The following EDN1 variants were observed in gnomAD, a reference collection of about 807,000 sequenced individuals.
The protein encoded by EDN1 is endothelin-1.
Under a neutral mutation model 21.7 loss-of-function variants are expected in EDN1, and 11 were observed. The observed-to-expected ratio is 0.51, with a 90% CI of 0.32 to 0.84. The LOEUF is 0.84. Among genes scored for constraint, EDN1 ranks in the 40% least tolerant of loss-of-function variants. The probability of loss-of-function intolerance (pLI) is 0.03; values close to 1 mark genes in which losing one functional copy is unlikely to be tolerated. For missense variants in EDN1, 244 were observed against 262.3 expected, an observed-to-expected ratio of 0.93 and a Z score of 0.48; for synonymous variants, 85 against 90.6, an observed-to-expected ratio of 0.94 and a Z score of 0.35.
At chr6:12,281,874 C>A in the EDN1 span, among the ~76,000 whole-genome samples, 5 of 151,862 alleles carry the variant, frequency 3.3e-5, no homozygotes, top group Non-Finnish European at 5.9e-5. Flanking sequence ...TTGATTATTT[C>A]TTTCATTTTC....
At chr6:12,279,941 A>G in the EDN1 span, among the ~76,000 whole-genome samples, 2 of 152,376 alleles carry the variant, frequency 1.3e-5, no homozygotes, top group African/African-American at 4.8e-5. Flanking sequence ...AACCAAAAGT[A>G]TAACTATAAG....
the EDN1 span, among the ~76,000 whole-genome samples, chr6:12,276,867 G>A: frequency 6.6e-6 from 1 of 152,252 alleles, no homozygotes; most frequent in Non-Finnish European, 1.5e-5. Flanking sequence ...AGGATTTAAA[G>A]TGGGGGAGAA....
At chr6:12,271,356 T>C in the EDN1 span, among the ~76,000 whole-genome samples, 1 of 152,166 alleles carries the variant, frequency 6.6e-6, no homozygotes, top group African/African-American at 2.4e-5. Flanking sequence ...GCAGTAATAT[T>C]TTTCTTTGCA....
intron 1 of EDN1, 61 bp downstream of exon 1, chr6:12,290,754 T>G: frequency 2.8e-6 from 4 of 1,406,430 alleles, no homozygotes; most frequent in Non-Finnish European, 4.0e-6. Flanking sequence ...CTTATCCACC[T>G]TCATGCTTTT....
At chr6:12,276,796 T>G in the EDN1 span, among the ~76,000 whole-genome samples, 1 of 152,212 alleles carries the variant, frequency 6.6e-6, no homozygotes, top group Non-Finnish European at 1.5e-5. Flanking sequence ...CACCAATGCC[T>G]GGGAGGCAGG....
chr6:12,269,899 AT>A, the EDN1 span, among the ~76,000 whole-genome samples: 1 of 152,064 alleles, frequency 6.6e-6, no homozygotes. Context: ...TTTAAAAAAA[AT>A]GTTTGGTATA....
the EDN1 span, among the ~76,000 whole-genome samples, chr6:12,265,635 A>G: frequency 1.3e-5 from 2 of 152,266 alleles, no homozygotes; most frequent in East Asian, 1.9e-4. Flanking sequence ...AAGAAAGTAC[A>G]CTCTGTTGTT....
chr6:12,254,356 A>G, the EDN1 span, among the ~76,000 whole-genome samples: 2 of 152,138 alleles, frequency 1.3e-5, no homozygotes, highest in Non-Finnish European at 2.9e-5. Flanking sequence ...TTCTCCTTGT[A>G]AACCTTTCCT....
chr6:12,274,866 G>A, the EDN1 span, among the ~76,000 whole-genome samples: 1 of 152,176 alleles, frequency 6.6e-6, no homozygotes, highest in Non-Finnish European at 1.5e-5. Context: ...TTGGATTTAA[G>A]GAACAATTCT....
the EDN1 span, among the ~76,000 whole-genome samples, chr6:12,280,989 A>AT: frequency 2.5e-4 from 38 of 152,282 alleles, no homozygotes; most frequent in Non-Finnish European, 3.4e-4. Context: ...TCTCAGATCA[A>AT]TTTTTTCTTT....
intron 4 of EDN1, 74 bp downstream of exon 4, chr6:12,294,478 C>G: frequency 1.3e-6 from 2 of 1,569,958 alleles, no homozygotes; most frequent in Admixed American, 1.7e-5. Context: ...TGCCAGCAGC[C>G]TGTTCCTCCA....
At chr6:12,233,789 A>G in the EDN1 span, among the ~76,000 whole-genome samples, 1 of 152,166 alleles carries the variant, frequency 6.6e-6, no homozygotes, top group African/African-American at 2.4e-5. Context: ...GGGCTTTGAA[A>G]TACCTTGGGG....
intron 2 of EDN1, among the ~76,000 whole-genome samples, chr6:12,293,160 A>C (rs1160418895): frequency 6.6e-6 from 1 of 152,238 alleles, no homozygotes; most frequent in Non-Finnish European, 1.5e-5. Flanking sequence ...CTAGTTCATC[A>C]TCTGTCGGAA....
the EDN1 span, among the ~76,000 whole-genome samples, chr6:12,231,265 G>C: frequency 1.3e-5 from 2 of 152,064 alleles, no homozygotes; most frequent in East Asian, 3.9e-4. Context: ...CACATTTTTT[G>C]CTTGGCATTT....
the EDN1 span, among the ~76,000 whole-genome samples, chr6:12,284,811 C>T: frequency 1.6e-4 from 24 of 151,598 alleles, 2 homozygotes; most frequent in South Asian, 5.0e-3. Context: ...ATGAAGGTAG[C>T]TGCCGTATTT....
the EDN1 span, among the ~76,000 whole-genome samples, chr6:12,232,767 G>A: frequency 6.6e-6 from 1 of 152,194 alleles, no homozygotes; most frequent in South Asian, 2.1e-4. Flanking sequence ...GTTTATGAAC[G>A]GTAGCTGTTG....
the EDN1 span, among the ~76,000 whole-genome samples, chr6:12,267,568 C>G: frequency 6.6e-6 from 1 of 152,172 alleles, no homozygotes; most frequent in African/African-American, 2.4e-5. Flanking sequence ...CTGCAGAAGA[C>G]AAGTTTGACA....
At chr6:12,277,962 T>C in the EDN1 span, among the ~76,000 whole-genome samples, 1 of 152,248 alleles carries the variant, frequency 6.6e-6, no homozygotes, top group Non-Finnish European at 1.5e-5. Flanking sequence ...TTGGACTCGA[T>C]AATCTGGATT....
chr6:12,283,739 T>A, the EDN1 span, among the ~76,000 whole-genome samples: 2 of 152,250 alleles, frequency 1.3e-5, no homozygotes, highest in African/African-American at 4.8e-5. Context: ...TAACCACACA[T>A]GTTGTCTACA....
Sources: gnomAD v4.1 joint callset for allele counts (sites outside exome capture counted in the v4.1 genomes callset) on GRCh38, gnomAD v4.1.1 for gene constraint, MANE v1.5 for transcripts, NCBI Gene and HGNC (gene_info 2026-07-23, HGNC 2026-07-21) for gene names.